The following DNAH2 variants were observed in gnomAD, a reference collection of about 807,000 sequenced individuals.
DNAH2 encodes the protein dynein axonemal heavy chain 2.
Under a neutral mutation model 523.5 loss-of-function variants are expected in DNAH2, and 323 were observed. The ratio of observed to expected loss-of-function variants is 0.62; its 90% confidence interval spans 0.56 to 0.68. The LOEUF is 0.68. Ranked by LOEUF, DNAH2 falls within the 30% of genes least tolerant of loss-of-function variation. The probability of loss-of-function intolerance (pLI) is 0.00; values close to 1 mark genes in which losing one functional copy is unlikely to be tolerated. For missense variants in DNAH2, 4,907 were observed against 5,701.5 expected (o/e 0.86, Z 4.49); for synonymous variants, 2,093 against 2,177.4 (o/e 0.96, Z 1.08).
chr17:7,812,151 T>C (rs2077533900), intron 63 of DNAH2, among the ~76,000 whole-genome samples: 1 of 152,212 alleles, frequency 6.6e-6, no homozygotes, highest in African/African-American at 2.4e-5. Flanking sequence ...ACTTGTGCAC[T>C]TAAATTTAAC....
chr17:7,721,935 A>G (rs902156225), intron 2 of DNAH2, among the ~76,000 whole-genome samples: 5 of 152,190 alleles, frequency 3.3e-5, no homozygotes, highest in Admixed American at 1.3e-4. Flanking sequence ...CAGAAGCTGT[A>G]TGCCTGGAAT....
chr17:7,792,919 T>C (rs1362817304), intron 47 of DNAH2, 62 bp from the exon 48 acceptor site: 2 of 1,602,986 alleles, frequency 1.2e-6, no homozygotes, highest in African/African-American at 2.7e-5. Context: ...TGCCTGACCC[T>C]CCTCTCTAAG....
At chr17:7,796,045 A>T (rs1300756532) in intron 49 of DNAH2, among the ~76,000 whole-genome samples, 4 of 107,672 alleles carry the variant, frequency 3.7e-5, no homozygotes, top group African/African-American at 1.4e-4. Context: ...TGAGTTTAGG[A>T]TTTTTTTTTT....
intron 5 of DNAH2, among the ~76,000 whole-genome samples, 160 bp downstream of exon 5, chr17:7,733,475 CTTT>C (rs1199721840): frequency 8.8e-6 from 1 of 113,848 alleles, no homozygotes; most frequent in African/African-American, 3.2e-5. Context: ...CCTTCTTCTT[CTTT>C]TTTTTTTTTT....
In DNAH2 at chr17:7,817,644, C is replaced by T. The variant is rs2077712277; in HGVS notation, c.10104C>T (p.Asn3368=). ...LCNPTKVRDW[N]IQGLPSDAFS... is the part of the protein sequence containing the mutation. ...ATCCTACCAAAGTCCGGGACTGGAA[C>T]ATCCAAGGGTTGCCCTCAGACGCCT... The change falls in exon 66 of 86, where the codon AAC becomes AAT. Residue 3368 remains asparagine (N), a synonymous_variant. Transcript: ENST00000572933. 2.5e-5 allele frequency: 40 copies of T among 1,614,154 alleles called. No individual in the cohort carries two copies. Among genetic ancestry groups the T allele is most frequent in the Non-Finnish European group, 3.4e-5 (40 of 1,180,028 alleles).
chr17:7,776,174 G>C (rs1488816270), intron 31 of DNAH2, 25 bp downstream of exon 31: 11 of 1,610,450 alleles, frequency 6.8e-6, no homozygotes, highest in East Asian at 2.2e-5. Context: ...ACAGAAGTGA[G>C]GGAACAAGGG....
intron 12 of DNAH2, among the ~76,000 whole-genome samples, chr17:7,756,780 T>A (rs1232453337): frequency 1.3e-5 from 2 of 152,144 alleles, no homozygotes; most frequent in Non-Finnish European, 2.9e-5. Context: ...AAGCGATTCT[T>A]GTGCCTCATT....
chr17:7,725,440 A>ATATATATATATATATATATT (rs958458949), intron 3 of DNAH2, among the ~76,000 whole-genome samples: 1 of 130,504 alleles, frequency 7.7e-6, no homozygotes, highest in Non-Finnish European at 1.6e-5. Context: ...ATATATATAT[A>ATATATATATATATATATATT]TTTTCTTTTT....
At chr17:7,817,143 TAG>T in intron 64 of DNAH2, 145 bp from the exon 65 acceptor site, 2 of 1,114,988 alleles carry the variant, frequency 1.8e-6, no homozygotes, top group Non-Finnish European at 2.5e-6. Context: ...AGAACCAGGC[TAG>T]AGTTGTCAGG....
chr17:7,789,357 G>T (rs2076833521), intron 44 of DNAH2, among the ~76,000 whole-genome samples: 1 of 152,144 alleles, frequency 6.6e-6, no homozygotes, highest in Admixed American at 6.5e-5. Flanking sequence ...GGCCTGGCAG[G>T]GCGGGCCGAG....
Position 7,801,573 on chromosome 17 carries a change from C to T in DNAH2, c.8700-5C>T. ...AATTTACAGCCTCTCCAAACCCCTT[C>T]CCAGGAACTGGATCCGCCAGTACCC... On this transcript the variant is annotated splice_polypyrimidine_tract_variant and splice_region_variant and intron_variant, in intron 56 of 85. Transcript: ENST00000572933. 3 of 1,614,150 alleles carry T rather than the reference C, an allele frequency of 1.9e-6. No individual in the cohort carries two copies. Among genetic ancestry groups the T allele is most frequent in the East Asian group, 2.2e-5 (1 of 44,882 alleles).
At chr17:7,743,587 G>A in intron 12 of DNAH2, 2 of 550,466 alleles carry the variant, frequency 3.6e-6, no homozygotes, top group Non-Finnish European at 6.5e-6. Context: ...GATCGCCTGA[G>A]CCCGGGAGGC....
At chr17:7,738,920 G>A (rs2075221952) in intron 8 of DNAH2, 1 of 701,482 alleles carries the variant, frequency 1.4e-6, no homozygotes, top group South Asian at 1.5e-5. Context: ...CCTTTCTCCT[G>A]ACACAGGTTC....
At chr17:7,741,303 T>TTTCTTTCC (rs2075331919) in intron 11 of DNAH2, among the ~76,000 whole-genome samples, 2 of 76,812 alleles carry the variant, frequency 2.6e-5, no homozygotes, top group Admixed American at 1.5e-4. Context: ...TCTTCCTTCC[T>TTTCTTTCC]TCCCTCCCTC....
At chr17:7,818,253 A>G in intron 68 of DNAH2, 59 bp from the exon 69 acceptor site, 2 of 1,603,950 alleles carry the variant, frequency 1.2e-6, no homozygotes, top group Non-Finnish European at 1.7e-6. Flanking sequence ...CCGGTGGGGG[A>G]TGGGTTAGCT....
chr17:7,774,493 T>C (rs1361201792), intron 28 of DNAH2, among the ~76,000 whole-genome samples: 2 of 152,182 alleles, frequency 1.3e-5, no homozygotes, highest in Non-Finnish European at 2.9e-5. Flanking sequence ...TAAGGGGGAA[T>C]TACTGTATTA....
At chr17:7,816,513 C>T (rs2077669916) in intron 63 of DNAH2, 58 bp from the exon 64 acceptor site, 13 of 1,595,640 alleles carry the variant, frequency 8.1e-6, no homozygotes, top group Non-Finnish European at 1.0e-5. Flanking sequence ...ATGATGTGAA[C>T]AAGAACAATC....
chr17:7,804,834 A>G (rs915951246), intron 59 of DNAH2, 124 bp from the exon 60 acceptor site: 1 of 787,806 alleles, frequency 1.3e-6, no homozygotes, highest in Non-Finnish European at 2.1e-6. Flanking sequence ...CGAAAGAGCT[A>G]GACTCCATCT....
intron 12 of DNAH2, chr17:7,743,870 TTAAC>T (rs890066424): frequency 6.5e-6 from 1 of 152,796 alleles, no homozygotes; most frequent in Non-Finnish European, 1.5e-5. Flanking sequence ...AATTAATCAA[TTAAC>T]TAATTTATTA....
Sources: allele counts gnomAD v4.1 joint callset (sites outside exome capture counted in the v4.1 genomes callset), GRCh38; gene constraint gnomAD v4.1.1; transcripts MANE v1.5; gene names NCBI Gene and HGNC (gene_info 2026-07-23, HGNC 2026-07-21).